The following DLG2 variants were observed in gnomAD, a reference collection of about 807,000 sequenced individuals.
DLG2 encodes the protein disks large homolog 2.
A neutral mutation model predicts 132.5 loss-of-function variants in DLG2; 45 were observed. The ratio of observed to expected loss-of-function variants is 0.34; its 90% confidence interval spans 0.27 to 0.44. The LOEUF (loss-of-function observed/expected upper bound fraction) is 0.44, where lower values mean the gene tolerates loss of function less well. Among genes scored for constraint, DLG2 ranks in the 20% least tolerant of loss-of-function variants. DLG2 has a pLI of 1.00. For synonymous variants in DLG2, 424 were observed against 419.6 expected, an observed-to-expected ratio of 1.01 and a Z score of -0.13; for missense variants, 1,045 against 1,196.9, an observed-to-expected ratio of 0.87 and a Z score of 1.87.
At chr11:85,216,127 G>A (rs771504115) in intron 4 of DLG2, among the ~76,000 whole-genome samples, 54 of 152,044 alleles carry the variant, frequency 3.6e-4, no homozygotes, top group Non-Finnish European at 5.6e-4. Context: ...TCCACCCTGG[G>A]CAATACAGTA....
intron 11 of DLG2, among the ~76,000 whole-genome samples, chr11:84,049,600 T>G (rs547197212): frequency 1.3e-5 from 2 of 151,936 alleles, no homozygotes; most frequent in African/African-American, 2.4e-5. Flanking sequence ...GACTGGAGCT[T>G]GTACTTTCCT....
chr11:85,319,282 T>C (rs1190021934), intron 3 of DLG2, among the ~76,000 whole-genome samples: 7 of 151,830 alleles, frequency 4.6e-5, no homozygotes, highest in African/African-American at 1.7e-4. Context: ...AAAATTAAGT[T>C]GAAAATAGTA....
intron 6 of DLG2, among the ~76,000 whole-genome samples, chr11:84,797,744 T>C (rs1178280393): frequency 6.6e-6 from 1 of 152,230 alleles, no homozygotes; most frequent in Admixed American, 6.5e-5. Context: ...AAGTCATGTT[T>C]TCCTGGAGGT....
intron 18 of DLG2, among the ~76,000 whole-genome samples, chr11:83,713,895 G>A (rs566347174): frequency 1.3e-5 from 2 of 152,290 alleles, no homozygotes; most frequent in South Asian, 4.1e-4. Context: ...GATGAAAAGA[G>A]CATTGGCTAG....
rs188310854 is a variant in DLG2 at position 85,598,852 on chromosome 11, C to G, written c.-92-64G>C. On this transcript the variant is annotated intron_variant, in intron 2 of 27. Coordinates refer to ENST00000376104, the MANE Select transcript of DLG2 (RefSeq NM_001142699.3). Reference sequence around the variant, plus strand: ...AGCAAAATAGAAAACTAACATTAAACTATTCTATAATTGTGTTCCTAACTT... The same window carrying G: ...AGCAAAATAGAAAACTAACATTAAAGTATTCTATAATTGTGTTCCTAACTT... The G allele has an allele frequency of 9.8e-5, 44 of 448,536 alleles. 1 individual carries two copies. The highest frequency in any genetic ancestry group is 5.2e-4 in the Admixed American group (12 of 23,042). The allele number at this position is 448,536 out of a possible 1,614,324, so 27.8% of individuals were successfully genotyped here.
At chr11:84,356,844 A>G (rs138688261) in intron 7 of DLG2, among the ~76,000 whole-genome samples, 23 of 152,152 alleles carry the variant, frequency 1.5e-4, no homozygotes, top group African/African-American at 5.5e-4. Context: ...AAAAGATGAC[A>G]TTTCAGCAAG....
intron 21 of DLG2, among the ~76,000 whole-genome samples, chr11:83,516,462 T>A (rs2095297877): frequency 6.6e-6 from 1 of 152,200 alleles, no homozygotes; most frequent in African/African-American, 2.4e-5. Flanking sequence ...CACTGGTGGG[T>A]CTTGACTGTT....
chr11:85,419,536 G>A (rs1009765732), intron 3 of DLG2, among the ~76,000 whole-genome samples: 1 of 152,168 alleles, frequency 6.6e-6, no homozygotes, highest in African/African-American at 2.4e-5. Context: ...TTCCAACTTG[G>A]CTCCATTCTT....
chr11:84,569,617 C>A (rs990964372), intron 6 of DLG2, among the ~76,000 whole-genome samples: 3 of 152,092 alleles, frequency 2.0e-5, no homozygotes, highest in Non-Finnish European at 4.4e-5. Flanking sequence ...AAAGTCTCAA[C>A]AGCAGACTTG....
At chr11:83,590,292 C>G (rs542192617) in intron 19 of DLG2, among the ~76,000 whole-genome samples, 1 of 152,314 alleles carries the variant, frequency 6.6e-6, no homozygotes, top group East Asian at 1.9e-4. Flanking sequence ...CAAACAGTCT[C>G]TCAGACCACA....
At chr11:84,910,233 A>T (rs2091931478) in intron 6 of DLG2, among the ~76,000 whole-genome samples, 1 of 152,176 alleles carries the variant, frequency 6.6e-6, no homozygotes. Flanking sequence ...ATTTCTGCAA[A>T]ACTATCTTCC....
intron 11 of DLG2, among the ~76,000 whole-genome samples, chr11:83,994,109 G>A (rs1347287719): frequency 6.6e-6 from 1 of 152,066 alleles, no homozygotes; most frequent in Non-Finnish European, 1.5e-5. Flanking sequence ...CGGTTTATCT[G>A]TCTTTATCTC....
intron 6 of DLG2, among the ~76,000 whole-genome samples, chr11:84,565,224 T>G (rs1433263965): frequency 6.6e-6 from 1 of 152,160 alleles, no homozygotes; most frequent in Non-Finnish European, 1.5e-5. Context: ...TAGGTCTCAG[T>G]CAGTACTGCG....
At chr11:84,968,482 C>T (rs1298985892) in intron 6 of DLG2, among the ~76,000 whole-genome samples, 2 of 152,058 alleles carry the variant, frequency 1.3e-5, no homozygotes, top group Non-Finnish European at 2.9e-5. Context: ...TTACGTATCC[C>T]TTAGAGTCTG....
At chr11:84,828,697 G>C (rs1599074764) in intron 6 of DLG2, among the ~76,000 whole-genome samples, 1 of 151,704 alleles carries the variant, frequency 6.6e-6, no homozygotes, top group Admixed American at 6.6e-5. Flanking sequence ...AGGCACAATA[G>C]AATCACCTTA....
intron 19 of DLG2, among the ~76,000 whole-genome samples, chr11:83,628,054 T>C (rs57059984): frequency 0.32 from 47,969 of 151,594 alleles, 9,698 homozygotes; most frequent in African/African-American, 0.59. Flanking sequence ...CACTTTTTGA[T>C]GGGGTTGTTT....
intron 6 of DLG2, among the ~76,000 whole-genome samples, chr11:84,991,342 C>G (rs947364101): frequency 1.3e-5 from 2 of 151,656 alleles, no homozygotes; most frequent in Admixed American, 1.3e-4. Flanking sequence ...AACCCCGTCT[C>G]TACAAACAAT....
intron 9 of DLG2, among the ~76,000 whole-genome samples, chr11:84,161,647 G>A (rs77632700): frequency 0.017 from 2,611 of 152,160 alleles, 69 homozygotes; most frequent in African/African-American, 0.06. Flanking sequence ...TCCAATACCA[G>A]GGCAACTAAA....
At chr11:85,033,830 G>A (rs1232469309) in intron 6 of DLG2, among the ~76,000 whole-genome samples, 2 of 152,074 alleles carry the variant, frequency 1.3e-5, no homozygotes, top group South Asian at 4.1e-4. Context: ...TTCAGATGAT[G>A]TATTAATTCC....
Sources: gnomAD v4.1 joint callset for allele counts (sites outside exome capture counted in the v4.1 genomes callset) on GRCh38, gnomAD v4.1.1 for gene constraint, MANE v1.5 for transcripts, NCBI Gene and HGNC (gene_info 2026-07-23, HGNC 2026-07-21) for gene names.